Variants in MAGI1 observed in about 807,000 individuals in gnomAD.
MAGI1 encodes the protein membrane-associated guanylate kinase, WW and PDZ domain-containing protein 1.
In MAGI1, 58 loss-of-function variants were observed where a neutral mutation model predicts 139.9. That is an observed-to-expected ratio of 0.41 (90% CI 0.34 to 0.52). The LOEUF is 0.52. Ranked by LOEUF, MAGI1 falls within the 20% of genes least tolerant of loss-of-function variation. MAGI1 has a pLI of 0.12. For synonymous variants in MAGI1, 812 were observed against 737.9 expected (o/e 1.10, Z -1.63); for missense variants, 1,874 against 1,901.6 (o/e 0.99, Z 0.27).
intron 2 of MAGI1, among the ~76,000 whole-genome samples, chr3:65,592,073 T>G (rs1054617729): frequency 3.3e-5 from 5 of 152,228 alleles, no homozygotes; most frequent in African/African-American, 7.2e-5. Context: ...CTATAAGGGA[T>G]CTTCATCTGT....
chr3:65,804,615 C>T (rs983576616), intron 1 of MAGI1, among the ~76,000 whole-genome samples: 47 of 152,070 alleles, frequency 3.1e-4, no homozygotes, highest in Admixed American at 3.9e-4. Context: ...ACATCATGAA[C>T]TATAGCAAGT....
intron 1 of MAGI1, among the ~76,000 whole-genome samples, chr3:65,955,181 C>T (rs910221109): frequency 2.6e-5 from 4 of 152,192 alleles, no homozygotes; most frequent in East Asian, 3.9e-4. Flanking sequence ...GAAGAAAACA[C>T]GTTAGAGGTA....
intron 1 of MAGI1, among the ~76,000 whole-genome samples, chr3:65,860,398 T>C (rs1255680396): frequency 1.3e-5 from 2 of 152,228 alleles, no homozygotes; most frequent in African/African-American, 2.4e-5. Context: ...ATTTAATCCT[T>C]ATATCAGAAC....
intron 1 of MAGI1, among the ~76,000 whole-genome samples, chr3:65,957,366 A>T (rs1235824443): frequency 6.6e-6 from 1 of 150,890 alleles, no homozygotes; most frequent in Admixed American, 6.6e-5. Context: ...AAAAAAAAAA[A>T]AAAATTTAGC....
At position 65,990,726 on chromosome 3, in the gene MAGI1, A is replaced by C. The variant is rs551228265; in HGVS notation, c.313+47270T>G. ...AATATATAGGCCATTGTGCAGAAGA[A>C]CTTAGGTGGTATATATACAGATACA... On this transcript the variant is annotated intron_variant, in intron 1 of 22. Transcript: ENST00000402939. 5.9e-5 allele frequency among the ~76,000 whole-genome samples: 9 copies of C among 152,330 alleles called. No homozygotes were observed. In the East Asian group the frequency reaches 1.7e-3, roughly 29 times the overall value.
intron 1 of MAGI1, among the ~76,000 whole-genome samples, chr3:65,950,106 A>AAAAAAAAAAAAAAAAAC (rs796698272): frequency 7.0e-4 from 59 of 84,156 alleles, no homozygotes; most frequent in Non-Finnish European, 9.2e-4. Context: ...AAAAAAAAAA[A>AAAAAAAAAAAAAAAAAC]CAGAACTAGC....
intron 1 of MAGI1, among the ~76,000 whole-genome samples, chr3:65,780,023 G>T (rs80267162): frequency 0.041 from 5,878 of 141,644 alleles, 266 homozygotes; most frequent in African/African-American, 0.12. Context: ...TCAATTTTTT[G>T]GGGGGGGAAG....
intron 1 of MAGI1, among the ~76,000 whole-genome samples, chr3:65,770,015 C>G (rs1257861086): frequency 1.3e-5 from 2 of 152,158 alleles, no homozygotes; most frequent in African/African-American, 4.8e-5. Context: ...TACGTGCCAT[C>G]TGGGAGGATT....
intron 2 of MAGI1, among the ~76,000 whole-genome samples, chr3:65,543,443 C>T (rs2079343729): frequency 6.6e-6 from 1 of 152,198 alleles, no homozygotes; most frequent in Non-Finnish European, 1.5e-5. Flanking sequence ...TACAAAGACA[C>T]AGGCTCACGT....
intron 22 of MAGI1, among the ~76,000 whole-genome samples, chr3:65,358,517 T>C (rs1044524293): frequency 6.6e-5 from 10 of 152,112 alleles, no homozygotes; most frequent in African/African-American, 1.9e-4. Context: ...TAAAGGGCAA[T>C]AGTAAATAAT....
At chr3:65,928,086 T>A (rs1488161578) in intron 1 of MAGI1, among the ~76,000 whole-genome samples, 1 of 152,168 alleles carries the variant, frequency 6.6e-6, no homozygotes, top group Non-Finnish European at 1.5e-5. Context: ...TACTTTTACA[T>A]GAATTTATTT....
intron 1 of MAGI1, among the ~76,000 whole-genome samples, chr3:66,031,968 T>C (rs918517474): frequency 1.3e-5 from 2 of 152,196 alleles, no homozygotes; most frequent in African/African-American, 4.8e-5. Context: ...GCAGAAATAC[T>C]TGAATAGGAT....
intron 1 of MAGI1, among the ~76,000 whole-genome samples, chr3:65,875,779 T>C (rs1387375075): frequency 6.6e-6 from 1 of 152,196 alleles, no homozygotes; most frequent in South Asian, 2.1e-4. Flanking sequence ...TAACAGCTAG[T>C]ACTGACTGAG....
chr3:65,582,647 A>T (rs1460409806), intron 2 of MAGI1, among the ~76,000 whole-genome samples: 2 of 152,070 alleles, frequency 1.3e-5, no homozygotes, highest in African/African-American at 4.8e-5. Flanking sequence ...AATTGCAGGG[A>T]TTTCCCTTTG....
chr3:65,711,090 C>T (rs2031338449), intron 1 of MAGI1, among the ~76,000 whole-genome samples: 1 of 152,214 alleles, frequency 6.6e-6, no homozygotes, highest in African/African-American at 2.4e-5. Context: ...AACTCCAATG[C>T]CACATGTCCA....
chr3:65,819,965 T>A (rs1225227692), intron 1 of MAGI1, among the ~76,000 whole-genome samples: 1 of 115,298 alleles, frequency 8.7e-6, no homozygotes, highest in African/African-American at 2.9e-5. Flanking sequence ...CTAAGCAGAA[T>A]TATGTATCTT....
chr3:65,693,083 G>A (rs996148961), intron 1 of MAGI1, among the ~76,000 whole-genome samples: 1 of 151,994 alleles, frequency 6.6e-6, no homozygotes, highest in Admixed American at 6.6e-5. Context: ...CCATAGGCAT[G>A]AGATACTATG....
At chr3:65,856,931 T>C (rs950711872) in intron 1 of MAGI1, among the ~76,000 whole-genome samples, 2 of 152,168 alleles carry the variant, frequency 1.3e-5, no homozygotes, top group South Asian at 4.1e-4. Context: ...TTTCTCTTAA[T>C]CCAGTGACAT....
chr3:65,846,974 T>TAAAAAA (rs1300326490), intron 1 of MAGI1, among the ~76,000 whole-genome samples: 5 of 22,322 alleles, frequency 2.2e-4, no homozygotes, highest in African/African-American at 2.1e-3. Flanking sequence ...AGCAATGTCT[T>TAAAAAA]ACAAAAAAAA....
Sources: allele counts gnomAD v4.1 joint callset (sites outside exome capture counted in the v4.1 genomes callset), GRCh38; gene constraint gnomAD v4.1.1; transcripts MANE v1.5; gene names NCBI Gene and HGNC (gene_info 2026-07-23, HGNC 2026-07-21).